Variants in NCK1 observed in about 807,000 individuals in gnomAD.
The protein encoded by NCK1 is NCK adaptor protein 1.
NCK1 carries 19 observed loss-of-function variants against 36.6 expected under a neutral mutation model. The observed-to-expected ratio is 0.52, with a 90% CI of 0.36 to 0.76. The LOEUF is 0.76. NCK1 is among the 30% of genes least tolerant of loss of function. NCK1 has a pLI of 0.00. For synonymous variants in NCK1, 165 were observed against 156.0 expected, an observed-to-expected ratio of 1.06 and a Z score of -0.43; for missense variants, 358 against 445.6, an observed-to-expected ratio of 0.80 and a Z score of 1.77.
intron 1 of NCK1, among the ~76,000 whole-genome samples, chr3:136,865,736 G>A (rs1938393612): frequency 6.6e-6 from 1 of 152,196 alleles, no homozygotes; most frequent in African/African-American, 2.4e-5. Context: ...GTGATGTTAG[G>A]AAGACAACAA....
chr3:136,945,513 T>A (rs1348511442), intron 2 of NCK1, 70 bp from the exon 3 acceptor site: 1 of 1,125,966 alleles, frequency 8.9e-7, no homozygotes, highest in Non-Finnish European at 1.3e-6. Flanking sequence ...TTTTTAATAA[T>A]GAATAAGTTC....
At chr3:136,880,653 G>C (rs1174266825) in intron 1 of NCK1, among the ~76,000 whole-genome samples, 1 of 152,066 alleles carries the variant, frequency 6.6e-6, no homozygotes, top group Non-Finnish European at 1.5e-5. Flanking sequence ...TTTTGAGGCA[G>C]GTTCTTGCTC....
rs189434329 is a variant in NCK1 at position 136,908,886 on chromosome 3, T to G, written c.-18-19098T>G. 7.1e-4 allele frequency among the ~76,000 whole-genome samples: 108 copies of G among 152,282 alleles called. 1 individual carries two copies. Among genetic ancestry groups the G allele is most frequent in the Middle Eastern group, 3.4e-3 (1 of 294 alleles). ...TTGAATGTGTACCCCAAAGTTAATG[T>G]GTTGGAAAGTTGATGCAGTGGTGTT... On this transcript the variant is annotated intron_variant, in intron 1 of 3. Transcript: ENST00000481752.
At chr3:136,941,417 T>C (rs994640132) in intron 2 of NCK1, among the ~76,000 whole-genome samples, 1 of 152,004 alleles carries the variant, frequency 6.6e-6, no homozygotes, top group African/African-American at 2.4e-5. Flanking sequence ...GGTGTGAGCC[T>C]CTGTGACTGG....
intron 1 of NCK1, among the ~76,000 whole-genome samples, chr3:136,912,965 A>G (rs1478439016): frequency 2.0e-5 from 3 of 151,426 alleles, no homozygotes; most frequent in African/African-American, 7.3e-5. Flanking sequence ...GCCTCCTTTG[A>G]GGTTTTCTAT....
At chr3:136,866,183 C>CT (rs950882203) in intron 1 of NCK1, among the ~76,000 whole-genome samples, 13 of 151,414 alleles carry the variant, frequency 8.6e-5, no homozygotes, top group African/African-American at 2.4e-4. Context: ...CTATTTCTTT[C>CT]TTTTTTTTTA....
intron 1 of NCK1, among the ~76,000 whole-genome samples, chr3:136,919,965 C>G (rs1012596296): frequency 1.3e-5 from 2 of 152,028 alleles, no homozygotes; most frequent in Admixed American, 1.3e-4. Context: ...TGACTAAGTC[C>G]GGAAGTTTGG....
chr3:136,940,868 C>T (rs1015201520), intron 2 of NCK1, among the ~76,000 whole-genome samples: 2 of 152,000 alleles, frequency 1.3e-5, no homozygotes, highest in African/African-American at 4.8e-5. Flanking sequence ...ATTTATATAG[C>T]CACCCCACTC....
At chr3:136,892,100 C>A (rs1379399331) in intron 1 of NCK1, among the ~76,000 whole-genome samples, 1 of 151,846 alleles carries the variant, frequency 6.6e-6, no homozygotes, top group Admixed American at 6.6e-5. Context: ...GTTGCCCAAG[C>A]AGGTCTTGAA....
chr3:136,906,152 A>G (rs1232297175), intron 1 of NCK1, among the ~76,000 whole-genome samples: 1 of 152,036 alleles, frequency 6.6e-6, no homozygotes, highest in Admixed American at 6.6e-5. Context: ...GATTCTAGGT[A>G]TGTGTCATAG....
intron 1 of NCK1, among the ~76,000 whole-genome samples, chr3:136,908,559 A>G (rs925050202): frequency 6.6e-6 from 1 of 152,146 alleles, no homozygotes. Context: ...GAAACTGGAG[A>G]CCAAATCTGT....
At chr3:136,864,380 A>G (rs1186002809) in intron 1 of NCK1, among the ~76,000 whole-genome samples, 1 of 151,414 alleles carries the variant, frequency 6.6e-6, no homozygotes, top group Non-Finnish European at 1.5e-5. Context: ...AATCCCAGCT[A>G]CTCGGGAGTC....
In NCK1 at chr3:136,944,524, A is replaced by G. The variant is rs538183233; in HGVS notation, c.227-1059A>G. On this transcript the variant is annotated intron_variant, in intron 2 of 3. Coordinates refer to ENST00000481752, the MANE Select transcript of NCK1 (RefSeq NM_001291999.2). ...CAAAATGTTACGGTTTAAAAGTTGTAGCAGAGTTAAAGTAACTTCATTTTG... is the reference window on the plus strand; with the variant it reads ...CAAAATGTTACGGTTTAAAAGTTGTGGCAGAGTTAAAGTAACTTCATTTTG... Among the ~76,000 whole-genome samples, 14 of 152,364 alleles carry G rather than the reference A, an allele frequency of 9.2e-5. No individual in the cohort carries two copies. In the South Asian group the frequency reaches 1.7e-3, roughly 18 times the overall value.
intron 1 of NCK1, among the ~76,000 whole-genome samples, chr3:136,879,370 C>T (rs1464216721): frequency 6.6e-6 from 1 of 152,036 alleles, no homozygotes; most frequent in Non-Finnish European, 1.5e-5. Context: ...GAATGAGAGG[C>T]TCTATGGGTA....
chr3:136,938,235 C>T (rs1338626253), intron 2 of NCK1, among the ~76,000 whole-genome samples: 1 of 152,158 alleles, frequency 6.6e-6, no homozygotes, highest in African/African-American at 2.4e-5. Flanking sequence ...ACCACCCTTG[C>T]ATAAATCCCA....
intron 1 of NCK1, among the ~76,000 whole-genome samples, chr3:136,907,821 A>C (rs1939725405): frequency 6.6e-6 from 1 of 152,224 alleles, no homozygotes; most frequent in Admixed American, 6.5e-5. Flanking sequence ...GACTGTAACA[A>C]AGTGAGAACA....
chr3:136,914,775 T>C (rs1323904877), intron 1 of NCK1, among the ~76,000 whole-genome samples: 2 of 152,216 alleles, frequency 1.3e-5, no homozygotes, highest in African/African-American at 4.8e-5. Context: ...TTGAATGTTC[T>C]CTCCAAATCT....
chr3:136,902,178 C>G (rs570324938), intron 1 of NCK1, among the ~76,000 whole-genome samples: 9 of 124,638 alleles, frequency 7.2e-5, no homozygotes, highest in Admixed American at 5.5e-4. Flanking sequence ...TTCTTCTTAA[C>G]TCTTTGTTTT....
intron 1 of NCK1, among the ~76,000 whole-genome samples, chr3:136,920,809 G>A (rs1297066786): frequency 6.6e-6 from 1 of 152,102 alleles, no homozygotes; most frequent in Admixed American, 6.5e-5. Context: ...AATTAACACA[G>A]CAAACATGTA....
Sources: gnomAD v4.1 joint callset for allele counts (sites outside exome capture counted in the v4.1 genomes callset) on GRCh38, gnomAD v4.1.1 for gene constraint, MANE v1.5 for transcripts, NCBI Gene and HGNC (gene_info 2026-07-23, HGNC 2026-07-21) for gene names.